Variants in SECISBP2 observed in about 807,000 individuals in gnomAD.
The protein encoded by SECISBP2 is selenocysteine insertion sequence-binding protein 2.
SECISBP2 carries 96 observed loss-of-function variants against 98.2 expected under a neutral mutation model. The observed-to-expected ratio is 0.98, with a 90% CI of 0.83 to 1.16. The LOEUF is 1.16. Ranked by LOEUF, SECISBP2 falls within the 50% of genes most tolerant of loss-of-function variation. SECISBP2 has a pLI of 0.00. For synonymous variants in SECISBP2, 407 were observed against 370.2 expected, an observed-to-expected ratio of 1.10 and a Z score of -1.14; for missense variants, 1,046 against 1,022.9, an observed-to-expected ratio of 1.02 and a Z score of -0.31.
intron 11 of SECISBP2, among the ~76,000 whole-genome samples, chr9:89,347,447 AG>A (rs1264513770): frequency 7.4e-5 from 11 of 148,590 alleles, no homozygotes; most frequent in African/African-American, 2.7e-4. Flanking sequence ...GGACAGTCAC[AG>A]GCTCCTCCGG....
the SECISBP2 span, among the ~76,000 whole-genome samples, chr9:89,366,406 A>C: frequency 6.6e-5 from 10 of 152,238 alleles, no homozygotes; most frequent in Non-Finnish European, 1.5e-4. Context: ...ACATTCTGTA[A>C]ACTCAAGGAA....
chr9:89,352,513 C>T (rs1294111309), intron 14 of SECISBP2, among the ~76,000 whole-genome samples: 1 of 152,170 alleles, frequency 6.6e-6, no homozygotes, highest in Admixed American at 6.5e-5. Flanking sequence ...GCACCTCGTG[C>T]TCTCTGGGGG....
chr9:89,349,876 C>G lies in SECISBP2; in HGVS notation c.1839C>G (p.His613Gln). 1 of 1,614,260 alleles carries G rather than the reference C, an allele frequency of 6.2e-7. No individual in the cohort carries two copies. The highest frequency in any genetic ancestry group is 8.5e-7 in the Non-Finnish European group (1 of 1,180,040). Reference sequence around the variant, plus strand: ...TCCAGAGGGACACAGAGGCCTCCCACCTTGCTCCCAATCACACCACCTTCC... The same window carrying G: ...TCCAGAGGGACACAGAGGCCTCCCAGCTTGCTCCCAATCACACCACCTTCC... ...TELQRDTEAS[H>Q]LAPNHTTFPK... The change falls in exon 13 of 17, where the codon CAC becomes CAG. Residue 613 changes from histidine to glutamine, a missense_variant. Coordinates refer to ENST00000375807, the MANE Select transcript of SECISBP2 (RefSeq NM_024077.5).
chr9:89,356,312 A>G (rs951404123), intron 14 of SECISBP2, among the ~76,000 whole-genome samples: 2 of 152,180 alleles, frequency 1.3e-5, no homozygotes, highest in Non-Finnish European at 1.5e-5. Flanking sequence ...TCCGTGGAAA[A>G]ATTGTCTTCC....
chr9:89,336,766 CTTTTT>C (rs1167993596), intron 7 of SECISBP2, among the ~76,000 whole-genome samples: 2,271 of 75,134 alleles, frequency 0.03, 28 homozygotes, highest in Non-Finnish European at 0.038. Context: ...CTGTCTAATT[CTTTTT>C]TTTTTTTTTT....
intron 1 of SECISBP2, chr9:89,318,906 ACT>A: frequency 8.1e-7 from 1 of 1,229,468 alleles, no homozygotes; most frequent in Non-Finnish European, 1.0e-6. Context: ...GGGCGGGGGG[ACT>A]CTGGCGAGCT....
At chr9:89,320,144 G>A (rs1268326844) in intron 2 of SECISBP2, among the ~76,000 whole-genome samples, 2 of 152,014 alleles carry the variant, frequency 1.3e-5, no homozygotes, top group Non-Finnish European at 2.9e-5. Context: ...ATCACCTGAG[G>A]TCAGGAGTTC....
intron 12 of SECISBP2, 127 bp from the exon 13 acceptor site, chr9:89,349,649 T>G: frequency 1.0e-6 from 1 of 1,002,866 alleles, no homozygotes; most frequent in African/African-American, 1.6e-5. Flanking sequence ...CCTCTCTGCA[T>G]GTTGTCTGTG....
rs902155279 is a variant in SECISBP2, at chr9:89,354,987, T to G, written c.2114-2424T>G. The G allele has an allele frequency of 1.6e-5, 16 of 985,426 alleles. No homozygotes were observed. The Middle Eastern group carries it at 1.6e-3, about 97-fold the overall frequency. The allele number at this position is 985,426 out of a possible 1,614,324, so 61.0% of individuals were successfully genotyped here. ...CCCAGCCCATCTGGAACTGGTCTTT[T>G]TCTTCAAAGTTTCTATCCCAGGAGG... is the stretch of plus-strand genomic sequence containing the variant. On this transcript the variant is annotated intron_variant, in intron 14 of 16. Coordinates refer to ENST00000375807, the MANE Select transcript of SECISBP2 (RefSeq NM_024077.5).
intron 10 of SECISBP2, 53 bp downstream of exon 10, chr9:89,341,532 A>G: frequency 6.2e-7 from 1 of 1,602,416 alleles, no homozygotes. Flanking sequence ...TTTCAGCTAG[A>G]TTATTATGTT....
downstream of SECISBP2, chr9:89,364,136 T>TTGGCCC (rs1833204690): frequency 1.6e-6 from 2 of 1,265,948 alleles, no homozygotes; most frequent in Non-Finnish European, 2.2e-6. Context: ...AGCCTTGGCC[T>TTGGCCC]TGGCCCGTCC....
intron 7 of SECISBP2, among the ~76,000 whole-genome samples, chr9:89,336,366 C>A (rs1828716383): frequency 6.6e-6 from 1 of 151,746 alleles, no homozygotes. Context: ...ATTCCTAGAA[C>A]TGTTTCTTCA....
At chr9:89,321,724 A>G (rs960549181) in intron 2 of SECISBP2, among the ~76,000 whole-genome samples, 5 of 152,212 alleles carry the variant, frequency 3.3e-5, no homozygotes, top group Non-Finnish European at 5.9e-5. Flanking sequence ...ATGACCAAGG[A>G]AAAGTATTCA....
At chr9:89,364,027 G>A (rs372683106), downstream of SECISBP2, 2 of 1,612,110 alleles carry the variant, frequency 1.2e-6, no homozygotes, top group African/African-American at 1.3e-5. Flanking sequence ...GTGCAGGGGG[G>A]TTACCTCTGC....
At chr9:89,354,774 A>G (rs1019122928) in intron 14 of SECISBP2, 3 of 985,298 alleles carry the variant, frequency 3.0e-6, no homozygotes, top group Non-Finnish European at 3.6e-6. Context: ...CAGTGCTCAA[A>G]TAACATTTCA....
intron 10 of SECISBP2, among the ~76,000 whole-genome samples, chr9:89,342,679 C>T (rs986778720): frequency 6.6e-6 from 1 of 152,144 alleles, no homozygotes; most frequent in African/African-American, 2.4e-5. Flanking sequence ...AGAAACACAA[C>T]TACTGTGTGA....
chr9:89,341,332 A>T lies in SECISBP2; in HGVS notation c.1303-15A>T. On this transcript the variant is annotated splice_polypyrimidine_tract_variant and intron_variant, in intron 9 of 16. Coordinates refer to ENST00000375807, the MANE Select transcript of SECISBP2 (RefSeq NM_024077.5). ...TATAGTTTTATAAGTAAACTTACGA[A>T]TTTTGAACTTTCAGGATAATTTTAA... 2 of 1,611,678 alleles carry T rather than the reference A, an allele frequency of 1.2e-6. No homozygotes were observed. The highest frequency in any genetic ancestry group is 1.7e-6 in the Non-Finnish European group (2 of 1,177,928).
intron 8 of SECISBP2, among the ~76,000 whole-genome samples, chr9:89,339,348 C>T (rs569437025): frequency 5.9e-4 from 90 of 152,360 alleles, no homozygotes; most frequent in Non-Finnish European, 2.1e-4. Flanking sequence ...ATGGTTTAGA[C>T]AAGTGAATAA....
At chr9:89,347,340 TTTC>T (rs1332349336) in intron 11 of SECISBP2, among the ~76,000 whole-genome samples, 3 of 152,136 alleles carry the variant, frequency 2.0e-5, no homozygotes, top group South Asian at 2.1e-4. Context: ...GAGTTGCATT[TTTC>T]TTCTTCTTAT....
Sources: gnomAD v4.1 joint callset for allele counts (sites outside exome capture counted in the v4.1 genomes callset) on GRCh38, gnomAD v4.1.1 for gene constraint, MANE v1.5 for transcripts, NCBI Gene and HGNC (gene_info 2026-07-23, HGNC 2026-07-21) for gene names.